Variants in MACROD2 observed in about 807,000 individuals in gnomAD.
MACROD2 encodes mono-ADP ribosylhydrolase 2.
MACROD2 carries 36 observed loss-of-function variants against 70.4 expected under a neutral mutation model. The observed-to-expected ratio is 0.51, with a 90% CI of 0.39 to 0.68. MACROD2 has a LOEUF of 0.68. Ranked by LOEUF, MACROD2 falls within the 30% of genes least tolerant of loss-of-function variation. The pLI is 0.00. For missense variants in MACROD2, 496 were observed against 538.4 expected (o/e 0.92, Z 0.78); for synonymous variants, 172 against 178.8 (o/e 0.96, Z 0.30).
At chr20:14,657,765 A>G (rs1190838400) in intron 4 of MACROD2, among the ~76,000 whole-genome samples, 3 of 152,160 alleles carry the variant, frequency 2.0e-5, no homozygotes, top group Admixed American at 1.3e-4. Context: ...GTTCAAATAC[A>G]TGATAATTCT....
At chr20:14,758,954 G>C (rs943879471) in intron 5 of MACROD2, among the ~76,000 whole-genome samples, 3 of 152,018 alleles carry the variant, frequency 2.0e-5, no homozygotes, top group African/African-American at 7.3e-5. Context: ...ATGTATCTCT[G>C]TATGAATCCA....
At chr20:15,574,192 T>C (rs551921506) in intron 8 of MACROD2, among the ~76,000 whole-genome samples, 1 of 152,234 alleles carries the variant, frequency 6.6e-6, no homozygotes, top group African/African-American at 2.4e-5. Context: ...GGGCCAATAC[T>C]GCATACTTGG....
intron 8 of MACROD2, among the ~76,000 whole-genome samples, chr20:15,561,172 C>A (rs1023935485): frequency 1.3e-5 from 2 of 152,330 alleles, no homozygotes; most frequent in Admixed American, 1.3e-4. Context: ...TCACAGCCTT[C>A]ACCTCCTTTG....
chr20:15,307,960 C>G (rs1019972680), intron 6 of MACROD2, among the ~76,000 whole-genome samples: 18 of 146,960 alleles, frequency 1.2e-4, no homozygotes, highest in Non-Finnish European at 2.7e-4. Flanking sequence ...TTCAGTTTTT[C>G]TCATGGTTAG....
intron 15 of MACROD2, among the ~76,000 whole-genome samples, chr20:16,031,546 A>G (rs1864080413): frequency 2.6e-5 from 4 of 152,180 alleles, no homozygotes; most frequent in Admixed American, 2.0e-4. Context: ...AGCTGTTTGT[A>G]AAAGCAACAG....
chr20:15,273,629 G>A (rs917823326), intron 6 of MACROD2, among the ~76,000 whole-genome samples: 1 of 152,100 alleles, frequency 6.6e-6, no homozygotes, highest in Non-Finnish European at 1.5e-5. Context: ...TCTTCTGAAG[G>A]CCTACAGATG....
At chr20:14,197,795 A>C (rs1298645439) in intron 3 of MACROD2, among the ~76,000 whole-genome samples, 1 of 152,064 alleles carries the variant, frequency 6.6e-6, no homozygotes, top group East Asian at 1.9e-4. Flanking sequence ...CATGTTTGCT[A>C]CTCTTAACAG....
In MACROD2 at chr20:15,508,653, G is replaced by A. The variant is rs138248705; in HGVS notation, c.645+8806G>A. On this transcript the variant is annotated intron_variant, in intron 8 of 17. Transcript: ENST00000684519. ...ACCTTGCTTCTGTGGCCTGTCTAGC[G>A]TTGGGCACCTTACCCAGATTTAGCC... Among the ~76,000 whole-genome samples the A allele has an allele frequency of 8.7e-4, 133 of 152,270 alleles. 1 individual carries two copies. Among genetic ancestry groups the A allele is most frequent in the African/African-American group, 2.9e-3 (122 of 41,554 alleles).
intron 3 of MACROD2, among the ~76,000 whole-genome samples, chr20:14,314,093 A>G (rs1419999753): frequency 6.6e-6 from 1 of 152,198 alleles, no homozygotes; most frequent in Non-Finnish European, 1.5e-5. Flanking sequence ...CTTATTTAAC[A>G]AAAAAATGTA....
At chr20:15,522,355 G>A (rs544947255) in intron 8 of MACROD2, among the ~76,000 whole-genome samples, 1 of 152,178 alleles carries the variant, frequency 6.6e-6, no homozygotes, top group South Asian at 2.1e-4. Context: ...AAGTACATAG[G>A]GAAAAATAGA....
chr20:14,294,855 C>T (rs1264777228), intron 3 of MACROD2, among the ~76,000 whole-genome samples: 1 of 151,486 alleles, frequency 6.6e-6, no homozygotes, highest in Non-Finnish European at 1.5e-5. Context: ...AATGAGTAAG[C>T]AAGTTTTCTT....
intron 3 of MACROD2, among the ~76,000 whole-genome samples, chr20:14,223,652 C>T (rs908196339): frequency 1.3e-5 from 2 of 151,860 alleles, no homozygotes; most frequent in East Asian, 1.9e-4. Flanking sequence ...GGATTACAGA[C>T]GCCCGCCACC....
At chr20:14,228,607 A>C (rs1448017897) in intron 3 of MACROD2, among the ~76,000 whole-genome samples, 1 of 152,196 alleles carries the variant, frequency 6.6e-6, no homozygotes, top group Non-Finnish European at 1.5e-5. Flanking sequence ...TTTTTACTTA[A>C]TGGAATATTA....
intron 2 of MACROD2, among the ~76,000 whole-genome samples, chr20:14,083,889 G>C (rs1008492227): frequency 6.6e-6 from 1 of 151,316 alleles, no homozygotes; most frequent in Non-Finnish European, 1.5e-5. Flanking sequence ...GACCAACCCC[G>C]TCTCTACTAA....
intron 6 of MACROD2, among the ~76,000 whole-genome samples, chr20:15,260,956 T>A (rs1041371278): frequency 2.6e-5 from 4 of 152,048 alleles, no homozygotes; most frequent in African/African-American, 9.7e-5. Flanking sequence ...GGTAATAAAC[T>A]ATGGGCCATG....
intron 5 of MACROD2, among the ~76,000 whole-genome samples, chr20:15,047,636 C>A (rs1276573557): frequency 6.6e-6 from 1 of 152,134 alleles, no homozygotes; most frequent in Admixed American, 6.5e-5. Flanking sequence ...ATTATTCTAG[C>A]CACCCTGCCC....
At chr20:15,786,803 A>G (rs2051935525) in intron 8 of MACROD2, among the ~76,000 whole-genome samples, 1 of 152,192 alleles carries the variant, frequency 6.6e-6, no homozygotes, top group African/African-American at 2.4e-5. Flanking sequence ...TAAAACAACA[A>G]TGGGGATTAT....
Position 14,154,448 on chromosome 20 carries a change from G to A in MACROD2, c.271+68720G>A, listed in dbSNP as rs1363938980. Reference sequence around the variant, plus strand: ...GTCACCCAGGCTGGAGTCCAGTGGCGCAATCTCGGATCATTGCAAGCTCCG... The same window carrying A: ...GTCACCCAGGCTGGAGTCCAGTGGCACAATCTCGGATCATTGCAAGCTCCG... On this transcript the variant is annotated intron_variant, in intron 3 of 17. Transcript: ENST00000684519. Among the ~76,000 whole-genome samples, 5 of 148,806 alleles carry A rather than the reference G, an allele frequency of 3.4e-5. No homozygotes were observed. In the South Asian group the frequency reaches 8.5e-4, roughly 25 times the overall value.
chr20:15,057,169 A>G (rs981666057), intron 5 of MACROD2, among the ~76,000 whole-genome samples: 8 of 152,214 alleles, frequency 5.3e-5, no homozygotes, highest in African/African-American at 1.7e-4. Context: ...TTACATAGCC[A>G]TGCTTTAAAA....
Sources: gnomAD v4.1 joint callset for allele counts (sites outside exome capture counted in the v4.1 genomes callset) on GRCh38, gnomAD v4.1.1 for gene constraint, MANE v1.5 for transcripts, NCBI Gene and HGNC (gene_info 2026-07-23, HGNC 2026-07-21) for gene names.